Variants in GAB2 observed in about 807,000 individuals in gnomAD.
GAB2 encodes GRB2 associated binding protein 2.
A neutral mutation model predicts 65.5 loss-of-function variants in GAB2; 26 were observed. The ratio of observed to expected loss-of-function variants is 0.40; its 90% CI spans 0.29 to 0.55. The LOEUF is 0.55. GAB2 is among the 20% of genes least tolerant of loss of function. GAB2 has a pLI of 0.53. For missense variants in GAB2, 884 were observed against 875.8 expected (o/e 1.01, Z -0.12); for synonymous variants, 321 against 329.6 (o/e 0.97, Z 0.28).
At chr11:78,225,639 T>G (rs1013543396) in intron 4 of GAB2, among the ~76,000 whole-genome samples, 8 of 152,178 alleles carry the variant, frequency 5.3e-5, no homozygotes, top group Admixed American at 1.3e-4. Context: ...CAAAACGGAG[T>G]ATGACTGCTC....
At chr11:78,259,984 T>C (rs532819589) in intron 2 of GAB2, among the ~76,000 whole-genome samples, 16 of 152,336 alleles carry the variant, frequency 1.1e-4, no homozygotes, top group African/African-American at 3.8e-4. Flanking sequence ...GATCTGTTAT[T>C]TGTTTTGAGT....
intron 2 of GAB2, among the ~76,000 whole-genome samples, chr11:78,277,965 A>C (rs1234925310): frequency 2.6e-5 from 4 of 152,000 alleles, no homozygotes; most frequent in African/African-American, 9.7e-5. Flanking sequence ...TCTTCTGAGG[A>C]GGCAAGAATT....
chr11:78,263,715 G>GA (rs1779884671), intron 2 of GAB2, among the ~76,000 whole-genome samples: 1 of 150,836 alleles, frequency 6.6e-6, no homozygotes, highest in Non-Finnish European at 1.5e-5. Flanking sequence ...TGTTCTTTCT[G>GA]ATTCTTAACC....
In GAB2 at chr11:78,272,576, T is replaced by C. The variant is rs183279563; in HGVS notation, c.376+8025A>G. On this transcript the variant is annotated intron_variant, in intron 2 of 9. Transcript: ENST00000361507. Reference sequence around the variant, plus strand: ...AGCATTTAAGAGGTGACTTGGGTGCTGTTAAAGGCATTCAGTTTTATAAGG... The same window carrying C: ...AGCATTTAAGAGGTGACTTGGGTGCCGTTAAAGGCATTCAGTTTTATAAGG... Among the ~76,000 whole-genome samples the C allele has an allele frequency of 3.2e-3, 495 of 152,314 alleles. 2 individuals carry two copies. The highest frequency in any genetic ancestry group is 0.011 in the African/African-American group (470 of 41,570).
chr11:78,402,574 A>G (rs1198637200), intron 1 of GAB2, among the ~76,000 whole-genome samples: 2 of 41,394 alleles, frequency 4.8e-5, no homozygotes, highest in African/African-American at 9.4e-5. Context: ...CCCACCCCCA[A>G]TCGCCCCAGT....
At chr11:78,377,415 C>T (rs1307439711) in intron 1 of GAB2, among the ~76,000 whole-genome samples, 2 of 152,130 alleles carry the variant, frequency 1.3e-5, no homozygotes, top group African/African-American at 4.8e-5. Context: ...ATCATGAGGG[C>T]TCTACTCTCA....
intron 1 of GAB2, among the ~76,000 whole-genome samples, chr11:78,403,953 T>C (rs1857007176): frequency 6.6e-6 from 1 of 152,140 alleles, no homozygotes; most frequent in African/African-American, 2.4e-5. Context: ...AGACAAGTGA[T>C]AACAGACGCT....
intron 1 of GAB2, among the ~76,000 whole-genome samples, chr11:78,374,107 CACATGA>C (rs1856604790): frequency 6.6e-6 from 1 of 152,164 alleles, no homozygotes; most frequent in South Asian, 2.1e-4. Context: ...TATATTATAA[CACATGA>C]TAAGCAGGCC....
chr11:78,416,897 A>G (rs1417093183), intron 1 of GAB2, among the ~76,000 whole-genome samples: 2 of 151,330 alleles, frequency 1.3e-5, no homozygotes, highest in African/African-American at 4.9e-5. Context: ...CTCAGTAAAC[A>G]CTGTCGGTTG....
chr11:78,268,031 C>T (rs935515375), intron 2 of GAB2, among the ~76,000 whole-genome samples: 3 of 152,034 alleles, frequency 2.0e-5, no homozygotes, highest in African/African-American at 4.8e-5. Context: ...ACATCTGCTG[C>T]GGACCAGTAT....
intron 1 of GAB2, among the ~76,000 whole-genome samples, chr11:78,322,434 A>G (rs1341585212): frequency 6.6e-6 from 1 of 151,960 alleles, no homozygotes; most frequent in Non-Finnish European, 1.5e-5. Context: ...AGCAATTACA[A>G]CAAAAACAAA....
intron 1 of GAB2, among the ~76,000 whole-genome samples, chr11:78,378,553 G>T (rs1457957621): frequency 6.6e-6 from 1 of 152,144 alleles, no homozygotes; most frequent in East Asian, 1.9e-4. Flanking sequence ...TGAAGGCATT[G>T]GTTCTCTCTT....
chr11:78,384,395 C>T (rs1269962522), intron 1 of GAB2, among the ~76,000 whole-genome samples: 3 of 152,154 alleles, frequency 2.0e-5, no homozygotes, highest in Admixed American at 1.3e-4. Flanking sequence ...GCAACTGAAC[C>T]GCTTGAGGCT....
intron 1 of GAB2, among the ~76,000 whole-genome samples, chr11:78,318,713 C>G (rs1855665042): frequency 2.0e-5 from 3 of 152,274 alleles, no homozygotes; most frequent in African/African-American, 7.2e-5. Context: ...TAAACGGTTT[C>G]TGACGAATTC....
intron 2 of GAB2, among the ~76,000 whole-genome samples, chr11:78,261,751 G>A (rs2134546528): frequency 6.6e-6 from 1 of 152,272 alleles, no homozygotes; most frequent in African/African-American, 2.4e-5. Flanking sequence ...GGTGGCCTAT[G>A]CTTTATGAGC....
At chr11:78,254,726 G>C (rs1234180281) in intron 2 of GAB2, among the ~76,000 whole-genome samples, 2 of 151,920 alleles carry the variant, frequency 1.3e-5, no homozygotes, top group East Asian at 1.9e-4. Flanking sequence ...TCCAACCCAA[G>C]AGATTGAGGC....
intron 3 of GAB2, 84 bp downstream of exon 3, chr11:78,250,073 T>C (rs781025801): frequency 7.2e-7 from 1 of 1,390,098 alleles, no homozygotes; most frequent in Admixed American, 1.7e-5. Context: ...AATGTTTTGC[T>C]TGTCTTTAAA....
intron 5 of GAB2, among the ~76,000 whole-genome samples, chr11:78,224,573 C>T (rs1368091818): frequency 6.6e-6 from 1 of 152,242 alleles, no homozygotes; most frequent in African/African-American, 2.4e-5. Flanking sequence ...AACTAAGCTG[C>T]TTCTGCCTTG....
At chr11:78,319,298 T>A (rs1204097621) in intron 1 of GAB2, among the ~76,000 whole-genome samples, 2 of 152,258 alleles carry the variant, frequency 1.3e-5, no homozygotes, top group Non-Finnish European at 2.9e-5. Context: ...CTGAACTATT[T>A]GTTAGTATTA....
Sources: allele counts gnomAD v4.1 joint callset (sites outside exome capture counted in the v4.1 genomes callset), GRCh38; gene constraint gnomAD v4.1.1; transcripts MANE v1.5; gene names NCBI Gene and HGNC (gene_info 2026-07-23, HGNC 2026-07-21).